The following ITGA9 variants were observed in gnomAD, a reference collection of about 807,000 sequenced individuals.
ITGA9 encodes the protein integrin alpha-9.
In ITGA9, 56 loss-of-function variants were observed where a neutral mutation model predicts 127.8. That is an observed-to-expected ratio of 0.44 (90% confidence interval 0.35 to 0.55). The LOEUF is 0.55. Ranked by LOEUF, ITGA9 falls within the 20% of genes least tolerant of loss-of-function variation. The pLI is 0.00. For synonymous variants in ITGA9, 508 were observed against 514.5 expected (o/e 0.99, Z 0.17); for missense variants, 1,196 against 1,347.1 (o/e 0.89, Z 1.76).
At chr3:37,589,443 A>G (rs1035192264) in intron 15 of ITGA9, among the ~76,000 whole-genome samples, 3 of 152,218 alleles carry the variant, frequency 2.0e-5, no homozygotes, top group Non-Finnish European at 4.4e-5. Context: ...TAAACCATAA[A>G]CATAATTAAC....
intron 17 of ITGA9, among the ~76,000 whole-genome samples, chr3:37,654,190 CCACA>C (rs67516814): frequency 0.064 from 9,375 of 146,298 alleles, 339 homozygotes; most frequent in East Asian, 0.13. Flanking sequence ...CCTCCTGCCT[CCACA>C]CACACACACA....
intron 3 of ITGA9, among the ~76,000 whole-genome samples, chr3:37,481,162 C>T (rs937801876): frequency 1.3e-5 from 2 of 152,180 alleles, no homozygotes; most frequent in Admixed American, 6.5e-5. Context: ...CAGGCCTTCC[C>T]GACCTCTGGT....
At chr3:37,664,898 A>AT (rs1297165402) in intron 17 of ITGA9, among the ~76,000 whole-genome samples, 3 of 151,510 alleles carry the variant, frequency 2.0e-5, no homozygotes, top group South Asian at 4.2e-4. Context: ...TAGCCGTGTA[A>AT]TTTTTTTCCC....
chr3:37,524,350 C>T (rs921873314), intron 12 of ITGA9, among the ~76,000 whole-genome samples: 2 of 152,194 alleles, frequency 1.3e-5, no homozygotes, highest in Non-Finnish European at 1.5e-5. Flanking sequence ...TTATAGTCAT[C>T]TTGCTTTTGA....
At chr3:37,586,269 C>G (rs1272137251) in intron 15 of ITGA9, among the ~76,000 whole-genome samples, 1 of 152,164 alleles carries the variant, frequency 6.6e-6, no homozygotes, top group Non-Finnish European at 1.5e-5. Flanking sequence ...AAGCAAACAG[C>G]CTTTAGCCCA....
chr3:37,651,627 G>T (rs1401994513), intron 16 of ITGA9, among the ~76,000 whole-genome samples: 1 of 152,208 alleles, frequency 6.6e-6, no homozygotes, highest in East Asian at 1.9e-4. Flanking sequence ...AAATTGATTA[G>T]TTATGATTGA....
At position 37,467,178 on chromosome 3, in the gene ITGA9, G is replaced by T. The variant is rs1166649706; in HGVS notation, c.186-3829G>T. Among the ~76,000 whole-genome samples the T allele has an allele frequency of 2.0e-5, 3 of 152,284 alleles. No homozygotes were observed. In the East Asian group the frequency reaches 5.8e-4, roughly 29 times the overall value. On this transcript the variant is annotated intron_variant, in intron 1 of 27. Transcript: ENST00000264741. The stretch of plus-strand genomic sequence containing the variant: ...CACATAGATACAAGCACATTCCCGC[G>T]TGCCACCTCGTGAGTGTCATGCATG...
At chr3:37,604,308 T>A (rs1699947525) in intron 15 of ITGA9, among the ~76,000 whole-genome samples, 4 of 152,240 alleles carry the variant, frequency 2.6e-5, no homozygotes, top group Admixed American at 2.0e-4. Flanking sequence ...TCCCATTTAG[T>A]CAGACACATT....
At chr3:37,542,630 G>A in intron 15 of ITGA9, 45 bp downstream of exon 15, 2 of 1,599,800 alleles carry the variant, frequency 1.3e-6, no homozygotes, top group East Asian at 4.5e-5. Flanking sequence ...GATCTCTGCA[G>A]ATGTTCACTT....
rs142653229 is a variant in ITGA9, at chr3:37,658,802, G to A, written c.1916+5012G>A. 2.1e-3 allele frequency among the ~76,000 whole-genome samples: 315 copies of A among 152,252 alleles called. 2 individuals are homozygous for A. Among genetic ancestry groups the A allele is most frequent in the African/African-American group, 6.8e-3 (284 of 41,542 alleles). ...GTGTTGATGGTCTTTACAATTTGGC[G>A]TGTTTTTGCAGTGGCTGGTACTGGT... On this transcript the variant is annotated intron_variant, in intron 17 of 27. Transcript: ENST00000264741.
At chr3:37,464,276 G>GTTTTT (rs34372799) in intron 1 of ITGA9, among the ~76,000 whole-genome samples, 1 of 140,632 alleles carries the variant, frequency 7.1e-6, no homozygotes, top group African/African-American at 2.6e-5. Context: ...ATTTGTCAGG[G>GTTTTT]TTTTTTTTTT....
intron 26 of ITGA9, among the ~76,000 whole-genome samples, chr3:37,792,313 G>T (rs143482279): frequency 6.6e-6 from 1 of 152,176 alleles, no homozygotes; most frequent in Non-Finnish European, 1.5e-5. Flanking sequence ...GACATGATCC[G>T]TGCCCTCCCA....
chr3:37,584,804 T>C (rs1436293790), intron 15 of ITGA9, among the ~76,000 whole-genome samples: 3 of 151,862 alleles, frequency 2.0e-5, no homozygotes, highest in African/African-American at 7.3e-5. Flanking sequence ...TCACAGGCAG[T>C]GTAATTATTT....
intron 16 of ITGA9, among the ~76,000 whole-genome samples, chr3:37,634,883 A>C (rs1019354618): frequency 1.3e-5 from 2 of 152,222 alleles, no homozygotes; most frequent in Non-Finnish European, 2.9e-5. Flanking sequence ...TTAGCCTTGA[A>C]ATATCAAGTA....
At chr3:37,666,032 A>G (rs1314282958) in intron 17 of ITGA9, among the ~76,000 whole-genome samples, 2 of 152,210 alleles carry the variant, frequency 1.3e-5, no homozygotes, top group African/African-American at 4.8e-5. Context: ...TGGATGGAGC[A>G]CTTGCTATGG....
intron 15 of ITGA9, among the ~76,000 whole-genome samples, chr3:37,570,588 T>C (rs1180672976): frequency 6.6e-6 from 1 of 152,234 alleles, no homozygotes; most frequent in East Asian, 1.9e-4. Flanking sequence ...AGGAGGAGGA[T>C]CTACTTCTGT....
At position 37,674,008 on chromosome 3, in the gene ITGA9, T is replaced by G. The variant is rs1312000889; in HGVS notation, c.1917-9857T>G. 2.0e-5 allele frequency among the ~76,000 whole-genome samples: 3 copies of G among 152,258 alleles called. No individual in the cohort carries two copies. The East Asian group carries it at 5.8e-4, about 29-fold the overall frequency. On this transcript the variant is annotated intron_variant, in intron 17 of 27. Coordinates refer to ENST00000264741, the MANE Select transcript of ITGA9 (RefSeq NM_002207.3). ...GCTTTCTAGGACATGGCCTTAGCCT[T>G]CATAATACTGTTTGTTTACAGATTT... is the stretch of plus-strand genomic sequence containing the variant.
chr3:37,497,302 C>T (rs1234779537), intron 5 of ITGA9, among the ~76,000 whole-genome samples: 1 of 149,898 alleles, frequency 6.7e-6, no homozygotes, highest in Non-Finnish European at 1.5e-5. Flanking sequence ...TGGCAATAAA[C>T]ATGCACATTT....
intron 14 of ITGA9, among the ~76,000 whole-genome samples, chr3:37,534,443 G>A (rs1699188922): frequency 6.6e-6 from 1 of 152,248 alleles, no homozygotes; most frequent in Non-Finnish European, 1.5e-5. Context: ...AGCCCCACAA[G>A]ATTCCTGTGC....
Sources: allele counts gnomAD v4.1 joint callset (sites outside exome capture counted in the v4.1 genomes callset), GRCh38; gene constraint gnomAD v4.1.1; transcripts MANE v1.5; gene names NCBI Gene and HGNC (gene_info 2026-07-23, HGNC 2026-07-21).